SPATA31H1: variants seen among roughly 807,000 people sequenced by gnomAD.
SPATA31H1 encodes SPATA31 subfamily H member 1.
chr2:27,576,527 A>G, the SPATA31H1 span: 24 of 1,440,290 alleles, frequency 1.7e-5, no homozygotes, highest in Non-Finnish European at 2.3e-5. Flanking sequence ...AATGCGTTAA[A>G]TCTGTGGCCT....
the SPATA31H1 span, among the ~76,000 whole-genome samples, chr2:27,539,292 C>T: frequency 2.0e-5 from 3 of 149,542 alleles, no homozygotes; most frequent in Non-Finnish European, 4.4e-5. Flanking sequence ...TCCCTGGGTA[C>T]TTAAGATTAG....
the SPATA31H1 span, chr2:27,566,981 G>A: frequency 2.8e-6 from 2 of 717,514 alleles, no homozygotes. Flanking sequence ...CCCACAAAAA[G>A]CAATCCTCTG....
the SPATA31H1 span, among the ~76,000 whole-genome samples, chr2:27,558,931 GAGGGAGAGGGA>G: frequency 3.1e-5 from 2 of 64,304 alleles, no homozygotes; most frequent in Non-Finnish European, 6.0e-5. Context: ...GGGGGAGGGA[GAGGGAGAGGGA>G]GAGGGAGAGG....
chr2:27,566,183 T>C, the SPATA31H1 span: 5 of 713,284 alleles, frequency 7.0e-6, no homozygotes, highest in Non-Finnish European at 1.0e-5. Flanking sequence ...TTTTACTTCC[T>C]TCACTGTGAT....
At chr2:27,548,237 G>A in the SPATA31H1 span, among the ~76,000 whole-genome samples, 1 of 151,682 alleles carries the variant, frequency 6.6e-6, no homozygotes, top group African/African-American at 2.4e-5. Flanking sequence ...CCAAAGTGCT[G>A]GGATTACAGG....
the SPATA31H1 span, chr2:27,572,876 G>A: frequency 5.1e-5 from 20 of 393,582 alleles, no homozygotes; most frequent in Admixed American, 9.0e-5. Context: ...TGCACTTTGT[G>A]AAAGCTCCTG....
chr2:27,582,035 C>T, the SPATA31H1 span: 4 of 1,613,622 alleles, frequency 2.5e-6, no homozygotes, highest in East Asian at 2.2e-5. Context: ...TGGAGAGGAG[C>T]CATCGCAGTC....
At chr2:27,577,475 C>G in the SPATA31H1 span, 125 of 1,614,078 alleles carry the variant, frequency 7.7e-5, 2 homozygotes, top group South Asian at 1.4e-3. The surrounding 1 kb of genome is among the most constrained non-coding windows in gnomAD (Gnocchi z 4.5). Context: ...CAAGTCAAGC[C>G]ACTGGATTTG....
the SPATA31H1 span, chr2:27,579,965 T>C: frequency 5.6e-6 from 9 of 1,614,080 alleles, no homozygotes; most frequent in South Asian, 2.2e-5. Flanking sequence ...CAGGACTTAA[T>C]TGCCATCATA....
At chr2:27,574,470 T>C in the SPATA31H1 span, 8 of 398,366 alleles carry the variant, frequency 2.0e-5, no homozygotes, top group Admixed American at 8.8e-5. Flanking sequence ...AGATATAAAA[T>C]CTTCTGATCT....
At chr2:27,567,497 T>C in the SPATA31H1 span, 1 of 413,288 alleles carries the variant, frequency 2.4e-6, no homozygotes, top group Non-Finnish European at 4.3e-6. Flanking sequence ...TTCAGCTCCA[T>C]GTGAATGCTG....
At chr2:27,567,841 C>G in the SPATA31H1 span, 185 of 399,026 alleles carry the variant, frequency 4.6e-4, 1 homozygote, top group African/African-American at 3.4e-3. Flanking sequence ...CTAAAGGTAA[C>G]TCCATTGGCA....
At chr2:27,580,936 C>G in the SPATA31H1 span, 1 of 1,614,200 alleles carries the variant, frequency 6.2e-7, no homozygotes, top group South Asian at 1.1e-5. Flanking sequence ...CTTCGACTGC[C>G]CAAGCCCACA....
At chr2:27,565,669 A>G in the SPATA31H1 span, among the ~76,000 whole-genome samples, 3 of 152,356 alleles carry the variant, frequency 2.0e-5, no homozygotes, top group African/African-American at 7.2e-5. Flanking sequence ...GAATGGACAA[A>G]GGGTAACTAC....
the SPATA31H1 span, among the ~76,000 whole-genome samples, chr2:27,564,941 G>C: frequency 6.6e-6 from 1 of 152,006 alleles, no homozygotes; most frequent in Non-Finnish European, 1.5e-5. Flanking sequence ...GGCATAACCT[G>C]GCTTCCATCT....
chr2:27,537,651 G>C, the SPATA31H1 span: 1 of 673,064 alleles, frequency 1.5e-6, no homozygotes, highest in Non-Finnish European at 2.7e-6. Context: ...GGCCATGGGA[G>C]GAACTGGATG....
At chr2:27,560,240 GC>G in the SPATA31H1 span, among the ~76,000 whole-genome samples, 1 of 152,042 alleles carries the variant, frequency 6.6e-6, no homozygotes, top group African/African-American at 2.4e-5. Flanking sequence ...TGACATCTTT[GC>G]AGGTTTGTTT....
chr2:27,541,914 G>T, the SPATA31H1 span, among the ~76,000 whole-genome samples: 31,648 of 151,584 alleles, frequency 0.21, 3,634 homozygotes, highest in East Asian at 0.35. Flanking sequence ...GAGACTACAG[G>T]CCCATGCCAC....
chr2:27,578,892 AT>A, the SPATA31H1 span: 1 of 1,613,406 alleles, frequency 6.2e-7, no homozygotes, highest in African/African-American at 1.3e-5. Context: ...TGGGACAGAT[AT>A]TTTGCAGCCT....
Sources: allele counts gnomAD v4.1 joint callset (sites outside exome capture counted in the v4.1 genomes callset), GRCh38; gene constraint gnomAD v4.1.1; non-coding constraint Gnocchi (gnomAD v3.1); transcripts MANE v1.5; gene names NCBI Gene and HGNC (gene_info 2026-07-23, HGNC 2026-07-21).